The following CELF2 variants were observed in gnomAD, a reference collection of about 807,000 sequenced individuals.
CELF2 encodes CUGBP Elav-like family member 2, also known as CUG triplet repeat RNA-binding protein 2.
CELF2 carries 8 observed loss-of-function variants against 62.6 expected under a neutral mutation model. That is an observed-to-expected ratio of 0.13 (90% CI 0.07 to 0.23). The LOEUF (loss-of-function observed/expected upper bound fraction) is 0.23, where lower values mean the gene tolerates loss of function less well. Among genes scored for constraint, CELF2 ranks in the 10% least tolerant of loss-of-function variants. The probability of loss-of-function intolerance (pLI) is 1.00; values close to 1 mark genes in which losing one functional copy is unlikely to be tolerated. For missense variants in CELF2, 333 were observed against 671.0 expected (o/e 0.50, Z 5.56); for synonymous variants, 258 against 250.0 (o/e 1.03, Z -0.30).
chr10:10,598,846 C>T, the CELF2 span, among the ~76,000 whole-genome samples: 15 of 148,102 alleles, frequency 1.0e-4, no homozygotes, highest in Admixed American at 2.0e-4. Context: ...CTCCGCCTCC[C>T]GGGTTAAAGC....
At chr10:10,790,680 G>A in the CELF2 span, among the ~76,000 whole-genome samples, 1 of 152,098 alleles carries the variant, frequency 6.6e-6, no homozygotes, top group Non-Finnish European at 1.5e-5. Flanking sequence ...GATTACCAAT[G>A]AATCTTCAGT....
intron 1 of CELF2, among the ~76,000 whole-genome samples, chr10:10,856,546 T>A (rs12266512): frequency 0.039 from 5,894 of 152,280 alleles, 241 homozygotes; most frequent in African/African-American, 0.1. Context: ...GATCAGATAA[T>A]AAACAATGGA....
the CELF2 span, among the ~76,000 whole-genome samples, chr10:10,642,354 G>C: frequency 1.1e-3 from 168 of 152,288 alleles, no homozygotes; most frequent in African/African-American, 3.9e-3. Flanking sequence ...CAGTCCCAAA[G>C]CCAGGCTGGT....
At chr10:10,932,150 C>A (rs2066136491) in intron 2 of CELF2, among the ~76,000 whole-genome samples, 1 of 151,986 alleles carries the variant, frequency 6.6e-6, no homozygotes, top group Non-Finnish European at 1.5e-5. Flanking sequence ...ATATGAGGTC[C>A]TATGGGGGAT....
intron 9 of CELF2, among the ~76,000 whole-genome samples, chr10:11,292,625 A>G (rs2092672664): frequency 6.6e-6 from 1 of 152,240 alleles, no homozygotes; most frequent in Non-Finnish European, 1.5e-5. Context: ...ACGAGGCAGT[A>G]TCACCAGATG....
At chr10:11,228,105 G>A (rs759135913) in intron 3 of CELF2, among the ~76,000 whole-genome samples, 4 of 152,178 alleles carry the variant, frequency 2.6e-5, no homozygotes, top group East Asian at 1.9e-4. Flanking sequence ...CTTAGTAAAT[G>A]TCAGAACAGT....
chr10:11,057,615 G>A (rs993385095), intron 1 of CELF2, among the ~76,000 whole-genome samples: 2 of 152,128 alleles, frequency 1.3e-5, no homozygotes, highest in African/African-American at 4.8e-5. Flanking sequence ...CTGATTATAC[G>A]CTCAAAGCCA....
chr10:10,508,710 T>A, the CELF2 span, among the ~76,000 whole-genome samples: 99 of 25,812 alleles, frequency 3.8e-3, 1 homozygote, highest in South Asian at 0.033. Flanking sequence ...GTGTGTATAT[T>A]TTTTTTTTTG....
chr10:10,571,263 A>G, the CELF2 span, among the ~76,000 whole-genome samples: 1 of 152,184 alleles, frequency 6.6e-6, no homozygotes, highest in African/African-American at 2.4e-5. Context: ...ATCCACAGAC[A>G]TTTACTAAAT....
intron 1 of CELF2, chr10:11,092,303 A>G (rs140301514): frequency 6.6e-6 from 1 of 152,326 alleles, no homozygotes; most frequent in African/African-American, 2.4e-5. Flanking sequence ...TTCCTTTATT[A>G]GAATAATGAT....
chr10:10,971,603 T>A (rs1291725773), intron 2 of CELF2, among the ~76,000 whole-genome samples: 1 of 152,200 alleles, frequency 6.6e-6, no homozygotes, highest in African/African-American at 2.4e-5. Flanking sequence ...TTGTTTTGTT[T>A]ACAGACAGAG....
chr10:10,752,034 A>T, the CELF2 span, among the ~76,000 whole-genome samples: 1 of 152,344 alleles, frequency 6.6e-6, no homozygotes, highest in African/African-American at 2.4e-5. Flanking sequence ...CACTGAATTG[A>T]TGAAGGGGAA....
At chr10:10,991,063 T>G (rs1446696693) in intron 2 of CELF2, among the ~76,000 whole-genome samples, 3 of 152,046 alleles carry the variant, frequency 2.0e-5, no homozygotes, top group Non-Finnish European at 4.4e-5. Flanking sequence ...AGTTCACAGC[T>G]TAGGCAGAGA....
In CELF2 at chr10:11,321,438, GC is replaced by G. The variant is rs765830707; in HGVS notation, c.1294+54del. Reference sequence around the variant, plus strand: ...GGGCCCAGCCCAACAGGCAGCACTGGCCTCTAGAGCACGGTTAGAAGGTATC... The same window carrying G: ...GGGCCCAGCCCAACAGGCAGCACTGGCTCTAGAGCACGGTTAGAAGGTATC... On this transcript the variant is annotated intron_variant, in intron 11 of 12. Coordinates refer to ENST00000633077, the MANE Select transcript of CELF2 (RefSeq NM_001326342.2). The surrounding 1 kb of genome is among the most constrained non-coding windows in gnomAD (Gnocchi z 6.2). 1 of 1,443,852 alleles carries G rather than the reference GC, an allele frequency of 6.9e-7. No homozygotes were observed. Among genetic ancestry groups the G allele is most frequent in the Admixed American group, 1.8e-5 (1 of 56,740 alleles). The allele number at this position is 1,443,852 out of a possible 1,614,324, so 89.4% of individuals were successfully genotyped here. A position where few individuals can be genotyped will look rare whatever the true frequency, so the allele number is the denominator to read the frequency against.
chr10:11,219,295 A>G (rs1209578265), intron 3 of CELF2, among the ~76,000 whole-genome samples: 3 of 152,228 alleles, frequency 2.0e-5, no homozygotes, highest in Non-Finnish European at 4.4e-5. Flanking sequence ...ACTTATGAGT[A>G]TGCTTCTGTT....
chr10:10,662,920 C>A, the CELF2 span, among the ~76,000 whole-genome samples: 27 of 152,306 alleles, frequency 1.8e-4, 1 homozygote, highest in South Asian at 2.1e-3. Flanking sequence ...GCACTTGGCA[C>A]AAACAAAGCC....
intron 2 of CELF2, among the ~76,000 whole-genome samples, chr10:11,198,216 T>G (rs960650898): frequency 6.6e-6 from 1 of 152,252 alleles, no homozygotes; most frequent in Non-Finnish European, 1.5e-5. Flanking sequence ...TCCAGCTTAT[T>G]CTGTTCCGTG....
In CELF2 at chr10:11,191,534, G is replaced by A. The variant is rs573978420; in HGVS notation, c.271+25852G>A. Among the ~76,000 whole-genome samples the A allele has an allele frequency of 1.3e-5, 2 of 152,146 alleles. No homozygotes were observed. The highest frequency in any genetic ancestry group is 6.5e-5 in the Admixed American group (1 of 15,286). ...CTCGGGAAAGTGACCTATCAAGGGG[G>A]CATACAACAGGGACACCACCTTGAA... On this transcript the variant is annotated intron_variant, in intron 2 of 12. Coordinates refer to ENST00000633077, the MANE Select transcript of CELF2 (RefSeq NM_001326342.2). This position sits in a 1 kb window ranked among gnomAD's most constrained non-coding sequence, Gnocchi z 4.1.
intron 1 of CELF2, among the ~76,000 whole-genome samples, chr10:10,888,927 C>A (rs1246139185): frequency 6.6e-6 from 1 of 152,164 alleles, no homozygotes; most frequent in Non-Finnish European, 1.5e-5. Flanking sequence ...CCATGTCACT[C>A]TTATCTTTGT....
Sources: gnomAD v4.1 joint callset for allele counts (sites outside exome capture counted in the v4.1 genomes callset) on GRCh38, gnomAD v4.1.1 for gene constraint, Gnocchi (gnomAD v3.1) non-coding constraint, MANE v1.5 for transcripts, NCBI Gene and HGNC (gene_info 2026-07-23, HGNC 2026-07-21) for gene names.